The following CMIP variants were observed in gnomAD, a reference collection of about 807,000 sequenced individuals.
CMIP encodes C-Maf-inducing protein.
CMIP carries 13 observed loss-of-function variants against 97.3 expected under a neutral mutation model. The observed-to-expected ratio is 0.13, with a 90% CI of 0.09 to 0.21. The LOEUF is 0.21. Among genes scored for constraint, CMIP ranks in the 10% least tolerant of loss-of-function variants. CMIP has a pLI of 1.00. For missense variants in CMIP, 847 were observed against 1,024.9 expected (o/e 0.83, Z 2.37); for synonymous variants, 538 against 436.3 (o/e 1.23, Z -2.91).
intron 7 of CMIP, among the ~76,000 whole-genome samples, chr16:81,668,332 G>A (rs1211844580): frequency 1.3e-5 from 2 of 152,126 alleles, no homozygotes; most frequent in Non-Finnish European, 1.5e-5. Flanking sequence ...CCCTGGCCAC[G>A]ACCCTGGGAA....
intron 1 of CMIP, among the ~76,000 whole-genome samples, chr16:81,575,077 G>C (rs143991581): frequency 1.7e-3 from 255 of 152,286 alleles, no homozygotes; most frequent in African/African-American, 6.0e-3. Context: ...GAGTTGCCTC[G>C]TAATATAATA....
At position 81,663,932 on chromosome 16, in the gene CMIP, C is replaced by G. The variant is rs1021986361; in HGVS notation, c.745-337C>G. Among the ~76,000 whole-genome samples the G allele has an allele frequency of 3.3e-5, 5 of 152,292 alleles. No homozygotes were observed. The South Asian group carries it at 1.0e-3, about 32-fold the overall frequency. ...GATTCCTTTTCCAGTGCCCCACATG[C>G]CTGCTGGCCTGCGTGCCCAGGGTAC... On this transcript the variant is annotated intron_variant, in intron 6 of 20. Coordinates refer to ENST00000537098, the MANE Select transcript of CMIP (RefSeq NM_198390.3).
intron 1 of CMIP, among the ~76,000 whole-genome samples, chr16:81,537,097 C>A (rs1234386706): frequency 1.3e-5 from 2 of 152,164 alleles, no homozygotes; most frequent in Non-Finnish European, 2.9e-5. Context: ...TTGCTGGAAA[C>A]TTCAGGACCA....
At chr16:81,470,600 G>A (rs978377083) in intron 1 of CMIP, among the ~76,000 whole-genome samples, 4 of 152,248 alleles carry the variant, frequency 2.6e-5, no homozygotes, top group African/African-American at 9.6e-5. Flanking sequence ...ACTGGCTGGA[G>A]CCATAGGAAA....
intron 1 of CMIP, among the ~76,000 whole-genome samples, chr16:81,572,848 C>G (rs1248912271): frequency 6.6e-6 from 1 of 152,146 alleles, no homozygotes; most frequent in East Asian, 1.9e-4. Context: ...CTGGGACTTC[C>G]CCAGCATTAG....
chr16:81,464,290 T>C lies in CMIP; in HGVS notation c.300+18749T>C, dbSNP rs1309875200. ...ACCTTCCTAGAATTAGCTGTGAGAC[T>C]GAAGAGAGGAAAGATGACATCTGGT... On this transcript the variant is annotated intron_variant, in intron 1 of 20. Coordinates refer to ENST00000537098, the MANE Select transcript of CMIP (RefSeq NM_198390.3). 5 of 152,368 alleles carry C rather than the reference T, an allele frequency of 3.3e-5. 1 individual carries two copies. The highest frequency in any genetic ancestry group is 6.5e-5 in the Admixed American group (1 of 15,310). The allele number at this position is 152,368 out of a possible 1,614,324, so 9.4% of individuals were successfully genotyped here.
chr16:81,709,228 AC>A (rs1208336722), intron 20 of CMIP, among the ~76,000 whole-genome samples: 2 of 152,266 alleles, frequency 1.3e-5, no homozygotes, highest in African/African-American at 4.8e-5. Context: ...CACGTCACTC[AC>A]CCTGTCCATT....
At chr16:81,692,032 A>G (rs1357249402) in intron 11 of CMIP, among the ~76,000 whole-genome samples, 192 bp downstream of exon 11, 3 of 152,132 alleles carry the variant, frequency 2.0e-5, no homozygotes, top group African/African-American at 7.2e-5. Context: ...TTCCCTCAGA[A>G]AAATGGGGAA....
intron 1 of CMIP, among the ~76,000 whole-genome samples, chr16:81,538,603 G>A (rs1277305733): frequency 6.6e-6 from 1 of 152,250 alleles, no homozygotes; most frequent in African/African-American, 2.4e-5. Flanking sequence ...TCTTGGTCTG[G>A]TCTTGATCCT....
chr16:81,528,568 A>G (rs2090175311), intron 1 of CMIP, among the ~76,000 whole-genome samples: 1 of 152,226 alleles, frequency 6.6e-6, no homozygotes, highest in Admixed American at 6.5e-5. Flanking sequence ...GGAAATTAAA[A>G]TAGTTCATTG....
At chr16:81,708,092 G>A (rs1278169836) in intron 20 of CMIP, among the ~76,000 whole-genome samples, 1 of 152,220 alleles carries the variant, frequency 6.6e-6, no homozygotes. Context: ...CCCCTTCCGG[G>A]GGATAGTCCC....
intron 2 of CMIP, chr16:81,619,405 G>A (rs1246188264): frequency 2.0e-5 from 3 of 152,294 alleles, no homozygotes; most frequent in East Asian, 3.8e-4. Flanking sequence ...GGAGCGGGAG[G>A]TGGTCACCTG....
chr16:81,574,641 A>G (rs545000019), intron 1 of CMIP, among the ~76,000 whole-genome samples: 2 of 152,356 alleles, frequency 1.3e-5, no homozygotes, highest in South Asian at 4.1e-4. Context: ...CCTGAAATAC[A>G]GTTCCTCACC....
At chr16:81,682,235 A>G (rs957948891) in intron 10 of CMIP, among the ~76,000 whole-genome samples, 1 of 151,694 alleles carries the variant, frequency 6.6e-6, no homozygotes, top group Non-Finnish European at 1.5e-5. Flanking sequence ...AGTTATCAGT[A>G]TTGAAGTGCT....
At chr16:81,448,526 C>G (rs1328482371) in intron 1 of CMIP, among the ~76,000 whole-genome samples, 1 of 152,210 alleles carries the variant, frequency 6.6e-6, no homozygotes, top group Non-Finnish European at 1.5e-5. Flanking sequence ...GGCTGTCTTA[C>G]CGGTGGAGCC....
chr16:81,532,333 C>T (rs753250665), intron 1 of CMIP, among the ~76,000 whole-genome samples: 6 of 152,310 alleles, frequency 3.9e-5, no homozygotes, highest in Admixed American at 1.3e-4. Context: ...ATGTTCCACA[C>T]GCTGATGCAG....
intron 3 of CMIP, among the ~76,000 whole-genome samples, chr16:81,642,253 C>T (rs2092315083): frequency 6.6e-6 from 1 of 152,210 alleles, no homozygotes; most frequent in African/African-American, 2.4e-5. Context: ...TCTCACCCTT[C>T]AGCCAGACTG....
At chr16:81,527,244 C>T (rs756573154) in intron 1 of CMIP, among the ~76,000 whole-genome samples, 84 of 152,224 alleles carry the variant, frequency 5.5e-4, no homozygotes, top group Non-Finnish European at 8.1e-4. Flanking sequence ...CGGGAGCCCA[C>T]GGTGGGGGAG....
At chr16:81,469,113 G>A (rs1051252918) in intron 1 of CMIP, among the ~76,000 whole-genome samples, 3 of 152,242 alleles carry the variant, frequency 2.0e-5, no homozygotes, top group East Asian at 1.9e-4. Context: ...GGCCCAGTTC[G>A]TTGCCAACAG....
Sources: allele counts gnomAD v4.1 joint callset (sites outside exome capture counted in the v4.1 genomes callset), GRCh38; gene constraint gnomAD v4.1.1; transcripts MANE v1.5; gene names NCBI Gene and HGNC (gene_info 2026-07-23, HGNC 2026-07-21).